SP110: variants seen among roughly 807,000 people sequenced by gnomAD.
SP110 encodes the protein SP110 nuclear body protein.
In SP110, 62 loss-of-function variants were observed where a neutral mutation model predicts 92.7. The ratio of observed to expected loss-of-function variants is 0.67; its 90% confidence interval spans 0.55 to 0.83. SP110 has a LOEUF of 0.83. Among genes scored for constraint, SP110 ranks in the 40% least tolerant of loss-of-function variants. The probability of loss-of-function intolerance (pLI) is 0.00; values close to 1 mark genes in which losing one functional copy is unlikely to be tolerated. For synonymous variants in SP110, 273 were observed against 305.3 expected, an observed-to-expected ratio of 0.89 and a Z score of 1.10; for missense variants, 793 against 863.9, an observed-to-expected ratio of 0.92 and a Z score of 1.03.
chr2:230,180,018 G>C (rs549647928), intron 12 of SP110, among the ~76,000 whole-genome samples: 1 of 152,288 alleles, frequency 6.6e-6, no homozygotes, highest in South Asian at 2.1e-4. Context: ...TACCAACCAG[G>C]CCTTGAAGGA....
chr2:230,168,934 T>G lies in SP110; in HGVS notation c.*190A>C. 1.1e-5 allele frequency: 6 copies of G among 544,276 alleles called. No homozygotes were observed. The highest frequency in any genetic ancestry group is 2.1e-5 in the South Asian group (1 of 47,296). 33.7% of individuals were successfully genotyped at this position (544,276 alleles called of 1,614,324 possible). A position where few individuals can be genotyped will look rare whatever the true frequency, so the allele number is the denominator to read the frequency against. ...AAGTATTAATTTTTTTTTTTTTTAG[T>G]GTAGATATAGACTTTTAAAGGTAAA... On this transcript the variant is annotated 3_prime_UTR_variant, in exon 19 of 19. Coordinates refer to ENST00000258381, the MANE Select transcript of SP110 (RefSeq NM_080424.4).
intron 10 of SP110, among the ~76,000 whole-genome samples, chr2:230,194,920 AG>A (rs35733102): frequency 6.6e-6 from 1 of 152,122 alleles, no homozygotes; most frequent in Non-Finnish European, 1.5e-5. Context: ...GGGGTGGCCT[AG>A]GGGACAAGGT....
chr2:230,172,450 C>A (rs1442181654), intron 15 of SP110: 1 of 557,680 alleles, frequency 1.8e-6, no homozygotes, highest in Non-Finnish European at 3.2e-6. Context: ...AGGAACCCTG[C>A]CTGCCAGGCT....
chr2:230,184,327 T>A (rs980668005), intron 11 of SP110, among the ~76,000 whole-genome samples: 3 of 152,076 alleles, frequency 2.0e-5, no homozygotes, highest in African/African-American at 7.2e-5. Flanking sequence ...AAGGAGGAAG[T>A]AATGGGCATA....
At chr2:230,214,358 A>C (rs2044854190) in intron 3 of SP110, among the ~76,000 whole-genome samples, 1 of 152,008 alleles carries the variant, frequency 6.6e-6, no homozygotes, top group African/African-American at 2.4e-5. Flanking sequence ...TGTCCGGACT[A>C]GTGGTTAAAA....
intron 10 of SP110, among the ~76,000 whole-genome samples, chr2:230,195,337 T>C (rs939557955): frequency 7.9e-5 from 12 of 152,280 alleles, no homozygotes; most frequent in East Asian, 5.8e-4. Flanking sequence ...ATATATGTCA[T>C]TTAAAAAGTT....
chr2:230,212,220 T>C, intron 5 of SP110, 127 bp downstream of exon 5: 1 of 742,286 alleles, frequency 1.3e-6, no homozygotes, highest in Non-Finnish European at 2.4e-6. Context: ...GCCCCTTCTG[T>C]TTCTTTTCCT....
Position 230,216,924 on chromosome 2 carries a change from A to C in SP110, c.4T>G (p.Phe2Val), listed in dbSNP as rs2045250669. M[F>V]TMTRAMEEAL... ...TCTTCCATGGCTCTTGTCATGGTGA[A>C]CATCCTATGGAAAGAGGCATGATAA... The change falls in exon 2 of 19, where the codon TTC becomes GTC. Residue 2 changes from phenylalanine to valine, a missense_variant. Physicochemically the swap from Phe to Val is conservative, Grantham distance 50. Transcript: ENST00000258381. 1.2e-6 allele frequency: 2 copies of C among 1,613,470 alleles called. No homozygotes were observed. The highest frequency in any genetic ancestry group is 2.2e-5 in the South Asian group (2 of 91,038).
rs759337279 is a variant in SP110, at chr2:230,216,917, A to G, written c.11T>C (p.Met4Thr). MFT[M>T]TRAMEEALFQ... ...AAGAGCCTCTTCCATGGCTCTTGTC[A>G]TGGTGAACATCCTATGGAAAGAGGC... The change falls in exon 2 of 19, where the codon ATG becomes ACG. Residue 4 changes from methionine to threonine, a missense_variant. By Grantham distance (81) the Met-to-Thr change is moderately conservative. Coordinates refer to ENST00000258381, the MANE Select transcript of SP110 (RefSeq NM_080424.4). 3.1e-6 allele frequency: 5 copies of G among 1,613,642 alleles called. No individual in the cohort carries two copies. Among genetic ancestry groups the G allele is most frequent in the Non-Finnish European group, 2.5e-6 (3 of 1,179,928 alleles).
At chr2:230,175,568 C>T (rs1281648805) in intron 14 of SP110, among the ~76,000 whole-genome samples, 1 of 152,222 alleles carries the variant, frequency 6.6e-6, no homozygotes, top group Non-Finnish European at 1.5e-5. Context: ...GTGCCTTAAA[C>T]TTTGAATGAA....
chr2:230,172,013 G>A (rs1048027925), intron 16 of SP110, 53 bp downstream of exon 16: 2 of 1,110,132 alleles, frequency 1.8e-6, no homozygotes, highest in Middle Eastern at 2.0e-4. Context: ...GCCTGTTTGT[G>A]CTTCTCGTGT....
chr2:230,224,117 T>A (rs1279988456), upstream of SP110, among the ~76,000 whole-genome samples: 1 of 152,214 alleles, frequency 6.6e-6, no homozygotes, highest in Non-Finnish European at 1.5e-5. Context: ...GGCTAATGCA[T>A]GGTGTTGCAA....
At chr2:230,174,677 C>T (rs1173335559) in intron 14 of SP110, among the ~76,000 whole-genome samples, 4 of 152,270 alleles carry the variant, frequency 2.6e-5, no homozygotes, top group African/African-American at 9.6e-5. Context: ...TGGCTCTTTA[C>T]ACCAGCTGCC....
intron 10 of SP110, among the ~76,000 whole-genome samples, chr2:230,187,783 T>C (rs2042423686): frequency 6.6e-6 from 1 of 152,230 alleles, no homozygotes; most frequent in Non-Finnish European, 1.5e-5. Flanking sequence ...GTATGCTTTG[T>C]CAAAGATCAG....
intron 16 of SP110, 81 bp from the exon 17 acceptor site, chr2:230,171,848 G>T: frequency 9.0e-7 from 1 of 1,111,850 alleles, no homozygotes; most frequent in South Asian, 1.2e-5. Flanking sequence ...CATGCACACG[G>T]ATGGGGCAGC....
intron 11 of SP110, among the ~76,000 whole-genome samples, chr2:230,185,571 T>C (rs2042320274): frequency 6.6e-6 from 1 of 152,182 alleles, no homozygotes. Flanking sequence ...ATGTCCTAAC[T>C]TAAAAATGCA....
upstream of SP110, among the ~76,000 whole-genome samples, chr2:230,224,821 C>T (rs564216016): frequency 8.1e-4 from 124 of 152,356 alleles, no homozygotes; most frequent in Middle Eastern, 3.4e-3. Flanking sequence ...TACCCATACC[C>T]TGGCTCTCAT....
At chr2:230,177,489 TC>T in intron 14 of SP110, 48 bp downstream of exon 14, 1 of 1,590,038 alleles carries the variant, frequency 6.3e-7, no homozygotes, top group Non-Finnish European at 8.6e-7. Context: ...GCTCCACTTC[TC>T]CTTCAAGGAT....
At chr2:230,199,147 TA>T (rs1379373433) in intron 10 of SP110, among the ~76,000 whole-genome samples, 112 of 134,102 alleles carry the variant, frequency 8.4e-4, no homozygotes, top group African/African-American at 3.5e-3. Context: ...TTATTATTAT[TA>T]TTTTTTTTTT....
Sources: gnomAD v4.1 joint callset for allele counts (sites outside exome capture counted in the v4.1 genomes callset) on GRCh38, gnomAD v4.1.1 for gene constraint, MANE v1.5 for transcripts, NCBI Gene and HGNC (gene_info 2026-07-23, HGNC 2026-07-21) for gene names.